SIPA1L1: variants seen among roughly 807,000 people sequenced by gnomAD.
The protein encoded by SIPA1L1 is signal induced proliferation associated 1 like 1, also known as signal-induced proliferation-associated 1-like protein 1.
Under a neutral mutation model 162.7 loss-of-function variants are expected in SIPA1L1, and 26 were observed. That is an observed-to-expected ratio of 0.16 (90% CI 0.12 to 0.22). The LOEUF is 0.22. Among genes scored for constraint, SIPA1L1 ranks in the 10% least tolerant of loss-of-function variants. The pLI is 1.00. For missense variants in SIPA1L1, 1,874 were observed against 2,241.0 expected, an observed-to-expected ratio of 0.84 and a Z score of 3.31; for synonymous variants, 829 against 837.4, an observed-to-expected ratio of 0.99 and a Z score of 0.17.
intron 2 of SIPA1L1, among the ~76,000 whole-genome samples, chr14:71,500,609 C>T (rs1218464471): frequency 3.9e-5 from 6 of 152,170 alleles, no homozygotes; most frequent in Non-Finnish European, 8.8e-5. Context: ...TGTACAGATA[C>T]AATGGAAACA....
intron 5 of SIPA1L1, among the ~76,000 whole-genome samples, chr14:71,601,312 A>G (rs975460159): frequency 1.7e-4 from 26 of 152,066 alleles, no homozygotes; most frequent in African/African-American, 3.1e-4. Context: ...AAGGGATGCA[A>G]AATTTTACCA....
At chr14:71,340,635 G>A (rs117809522) in intron 2 of SIPA1L1, among the ~76,000 whole-genome samples, 226 of 152,240 alleles carry the variant, frequency 1.5e-3, no homozygotes, top group Non-Finnish European at 2.5e-3. Flanking sequence ...AGACTCAGGC[G>A]TGGTTTGCAT....
At chr14:71,640,196 G>GC (rs2041568427) in intron 7 of SIPA1L1, among the ~76,000 whole-genome samples, 1 of 152,002 alleles carries the variant, frequency 6.6e-6, no homozygotes. Flanking sequence ...GAGCCACCAG[G>GC]CCCCCGGCCT....
At position 71,531,782 on chromosome 14, in the gene SIPA1L1, C is replaced by T. The variant is rs143321020; in HGVS notation, c.-303+2412C>T. ...TCAGCCTTCAAGAGTGCTAGAATTA[C>T]AAATGTGAGCCACCATGCCTGGCCT... On this transcript the variant is annotated intron_variant, in intron 4 of 23. Transcript: ENST00000381232. Among the ~76,000 whole-genome samples the T allele has an allele frequency of 9.7e-4, 148 of 152,190 alleles. 1 individual carries two copies. Among genetic ancestry groups the T allele is most frequent in the African/African-American group, 3.2e-3 (133 of 41,530 alleles).
At chr14:71,331,289 T>G (rs761331304) in intron 2 of SIPA1L1, among the ~76,000 whole-genome samples, 15 of 152,232 alleles carry the variant, frequency 9.9e-5, no homozygotes, top group Non-Finnish European at 2.2e-4. Flanking sequence ...CACACTGTTT[T>G]GATTGGTAAT....
rs1566773166 is a variant in SIPA1L1, at chr14:71,738,342, A to C, written c.5208+17A>C. ...TTGAAGAAGGTAAACATGTATTCTC[A>C]AAGCAAATTGTCCAGTCTGTACAAA... On this transcript the variant is annotated intron_variant, in intron 23 of 23. Transcript: ENST00000381232. 2 of 1,573,144 alleles carry C rather than the reference A, an allele frequency of 1.3e-6. No individual in the cohort carries two copies. Among genetic ancestry groups the C allele is most frequent in the Non-Finnish European group, 1.7e-6 (2 of 1,142,990 alleles).
Position 71,605,717 on chromosome 14 carries a change from C to T in SIPA1L1, c.1499-13040C>T, listed in dbSNP as rs368577760. On this transcript the variant is annotated intron_variant, in intron 5 of 23. Transcript: ENST00000381232. Reference sequence around the variant, plus strand: ...TAATGGAGGCTCTGCTGAACTTTTGCTGGTGCCTAGGAGGTGGGCCAATCG... The same window carrying T: ...TAATGGAGGCTCTGCTGAACTTTTGTTGGTGCCTAGGAGGTGGGCCAATCG... Among the ~76,000 whole-genome samples, 10 of 152,284 alleles carry T rather than the reference C, an allele frequency of 6.6e-5. No individual in the cohort carries two copies. The South Asian group carries it at 2.1e-3, about 32-fold the overall frequency.
At chr14:71,465,989 G>A (rs2046965169) in intron 2 of SIPA1L1, among the ~76,000 whole-genome samples, 1 of 152,178 alleles carries the variant, frequency 6.6e-6, no homozygotes, top group Admixed American at 6.5e-5. Flanking sequence ...CCAGATTAAA[G>A]GTGGGCCTGC....
intron 2 of SIPA1L1, among the ~76,000 whole-genome samples, chr14:71,495,779 G>A (rs907935656): frequency 4.7e-5 from 7 of 149,842 alleles, no homozygotes; most frequent in African/African-American, 1.7e-4. Context: ...GCTGTGAGCA[G>A]TGTTTCACAC....
intron 2 of SIPA1L1, among the ~76,000 whole-genome samples, chr14:71,495,510 G>A (rs894714597): frequency 1.3e-5 from 2 of 151,536 alleles, no homozygotes; most frequent in African/African-American, 4.8e-5. Context: ...TAATTTTGGG[G>A]GGGATAATTT....
At chr14:71,342,335 A>G (rs1043775735) in intron 2 of SIPA1L1, among the ~76,000 whole-genome samples, 1 of 152,148 alleles carries the variant, frequency 6.6e-6, no homozygotes, top group Non-Finnish European at 1.5e-5. Flanking sequence ...TCCTTTGGGT[A>G]TATACCTAGT....
At chr14:71,653,540 C>T (rs1363517303) in intron 8 of SIPA1L1, among the ~76,000 whole-genome samples, 1 of 152,192 alleles carries the variant, frequency 6.6e-6, no homozygotes, top group Non-Finnish European at 1.5e-5. Flanking sequence ...GTACCTTGCT[C>T]TGTGTCAACT....
At chr14:71,710,973 T>C (rs2082835702) in intron 17 of SIPA1L1, among the ~76,000 whole-genome samples, 1 of 152,206 alleles carries the variant, frequency 6.6e-6, no homozygotes, top group Non-Finnish European at 1.5e-5. Flanking sequence ...TTGCTTTCAC[T>C]TGACCAGCTA....
chr14:71,649,992 A>G (rs1420404471), intron 7 of SIPA1L1, among the ~76,000 whole-genome samples: 3 of 152,252 alleles, frequency 2.0e-5, no homozygotes, highest in Non-Finnish European at 4.4e-5. Flanking sequence ...ACACCATAAA[A>G]AAAGAATTGC....
intron 6 of SIPA1L1, among the ~76,000 whole-genome samples, chr14:71,623,518 GCTGTA>G (rs1472105131): frequency 6.6e-6 from 1 of 152,198 alleles, no homozygotes; most frequent in African/African-American, 2.4e-5. Flanking sequence ...TGCCTGTGCT[GCTGTA>G]CTGATGGTGA....
chr14:71,616,375 T>C (rs2038835451), intron 5 of SIPA1L1, among the ~76,000 whole-genome samples: 1 of 152,204 alleles, frequency 6.6e-6, no homozygotes, highest in African/African-American at 2.4e-5. Flanking sequence ...AGTGAGGAAT[T>C]GGACAGCTAT....
rs1597310231 is a variant in SIPA1L1 at position 71,735,365 on chromosome 14, T to G, written c.5097T>G (p.Ala1699=). The G allele has an allele frequency of 1.9e-6, 3 of 1,614,044 alleles. No homozygotes were observed. Among genetic ancestry groups the G allele is most frequent in the Non-Finnish European group, 2.5e-6 (3 of 1,179,898 alleles). Reference sequence around the variant, plus strand: ...ACAGTGATCAGCTGGAGGACCAGGCTCTGGCCCAGATGAAGCCTTACAGCA... The same window carrying G: ...ACAGTGATCAGCTGGAGGACCAGGCGCTGGCCCAGATGAAGCCTTACAGCA... ...ASNSDQLEDQ[A]LAQMKPYSSS... The change falls in exon 22 of 24, where the codon GCT becomes GCG. Residue 1699 remains alanine (A), a synonymous_variant. Transcript: ENST00000381232.
At chr14:71,400,102 G>A (rs533979430) in intron 2 of SIPA1L1, among the ~76,000 whole-genome samples, 177 of 152,240 alleles carry the variant, frequency 1.2e-3, no homozygotes, top group African/African-American at 4.0e-3. Context: ...TGGGATTACA[G>A]GCATCAGCTG....
At chr14:71,412,890 A>T (rs1368998688) in intron 2 of SIPA1L1, among the ~76,000 whole-genome samples, 1 of 152,198 alleles carries the variant, frequency 6.6e-6, no homozygotes, top group African/African-American at 2.4e-5. Flanking sequence ...GTGTGTGGGT[A>T]TTCTTTTAAC....
Sources: gnomAD v4.1 joint callset for allele counts (sites outside exome capture counted in the v4.1 genomes callset) on GRCh38, gnomAD v4.1.1 for gene constraint, MANE v1.5 for transcripts, NCBI Gene and HGNC (gene_info 2026-07-23, HGNC 2026-07-21) for gene names.